MYRIP: variants seen among roughly 807,000 people sequenced by gnomAD.
MYRIP encodes the protein myosin VIIA and Rab interacting protein.
In MYRIP, 49 loss-of-function variants were observed where a neutral mutation model predicts 98.0. The observed-to-expected ratio is 0.50, with a 90% CI of 0.40 to 0.63. The LOEUF (loss-of-function observed/expected upper bound fraction) is 0.63, where lower values mean the gene tolerates loss of function less well. Ranked by LOEUF, MYRIP falls within the 30% of genes least tolerant of loss-of-function variation. MYRIP has a pLI of 0.00. For missense variants in MYRIP, 1,004 were observed against 1,058.2 expected (o/e 0.95, Z 0.71); for synonymous variants, 404 against 409.5 (o/e 0.99, Z 0.16).
At chr3:39,995,272 G>A (rs1290927790) in intron 2 of MYRIP, among the ~76,000 whole-genome samples, 1 of 152,066 alleles carries the variant, frequency 6.6e-6, no homozygotes. Flanking sequence ...CCATGGCAAA[G>A]ACGTTAAAAA....
intron 3 of MYRIP, chr3:40,099,939 G>A (rs890427170): frequency 1.1e-5 from 10 of 945,414 alleles, no homozygotes; most frequent in Middle Eastern, 5.4e-4. Context: ...CACATGTGTT[G>A]ATGGATTTTT....
intron 2 of MYRIP, among the ~76,000 whole-genome samples, chr3:40,003,097 C>T (rs1453554796): frequency 6.6e-6 from 1 of 151,308 alleles, no homozygotes; most frequent in Admixed American, 6.6e-5. Context: ...TTGTAGATAT[C>T]TATATATGTA....
chr3:40,188,008 T>C (rs1178309762), intron 9 of MYRIP, among the ~76,000 whole-genome samples: 3 of 152,126 alleles, frequency 2.0e-5, no homozygotes, highest in African/African-American at 7.2e-5. Flanking sequence ...ACCCTGCTTG[T>C]ATCAGCCCAC....
Position 40,190,385 on chromosome 3 carries a change from A to T in MYRIP, c.1587A>T (p.Arg529Ser). 6.2e-7 allele frequency: 1 copy of T among 1,613,834 alleles called. No individual in the cohort carries two copies. Among genetic ancestry groups the T allele is most frequent in the Non-Finnish European group, 8.5e-7 (1 of 1,179,906 alleles). The change falls in exon 10 of 17, where the codon AGA becomes AGT. Residue 529 changes from arginine (R) to serine (S), a missense_variant. Arg to Ser is a moderately radical substitution (Grantham distance 110). Around this residue, in one of 3 missense-constraint regions of MYRIP, gnomAD observed 880 missense variants for 907.7 expected, o/e 0.97. Coordinates refer to ENST00000302541, the MANE Select transcript of MYRIP (RefSeq NM_015460.4). ...ACCGGCGGGCCAGGAGGTGGAGAAGAGCCCGACTGGGCTCAGAAGAGCCAA... is the reference window on the plus strand; with the variant it reads ...ACCGGCGGGCCAGGAGGTGGAGAAGTGCCCGACTGGGCTCAGAAGAGCCAA... ...TTDRRARRWR[R>S]ARLGSEEPSK...
At chr3:40,230,847 G>T (rs1448928986) in intron 11 of MYRIP, among the ~76,000 whole-genome samples, 1 of 149,466 alleles carries the variant, frequency 6.7e-6, no homozygotes, top group Non-Finnish European at 1.5e-5. Context: ...TTTTTTTTAG[G>T]CGGAATTTCG....
At chr3:40,129,803 T>C (rs1227448788) in intron 3 of MYRIP, among the ~76,000 whole-genome samples, 1 of 152,212 alleles carries the variant, frequency 6.6e-6, no homozygotes, top group Non-Finnish European at 1.5e-5. Flanking sequence ...CTCACAACTG[T>C]ATTGTTTTAG....
At chr3:40,033,753 G>A (rs28815222) in intron 2 of MYRIP, among the ~76,000 whole-genome samples, 2 of 151,778 alleles carry the variant, frequency 1.3e-5, no homozygotes, top group African/African-American at 4.8e-5. Context: ...AAAAAGAGGC[G>A]GCATTGCCAA....
At chr3:40,109,062 T>C (rs993148513) in intron 3 of MYRIP, among the ~76,000 whole-genome samples, 1 of 152,222 alleles carries the variant, frequency 6.6e-6, no homozygotes, top group African/African-American at 2.4e-5. Context: ...TTTTCTCATC[T>C]GTTCCTTTCC....
chr3:39,908,191 C>A (rs1157791315), intron 2 of MYRIP, among the ~76,000 whole-genome samples: 1 of 152,054 alleles, frequency 6.6e-6, no homozygotes, highest in South Asian at 2.1e-4. Context: ...CTAGGCTGGG[C>A]CAGGGGAAGG....
At chr3:40,125,093 G>GTACTAATCATA (rs1322705178) in intron 3 of MYRIP, among the ~76,000 whole-genome samples, 3 of 152,192 alleles carry the variant, frequency 2.0e-5, no homozygotes, top group African/African-American at 7.2e-5. Context: ...TTAGAACCAG[G>GTACTAATCATA]CCTGACACTC....
intron 8 of MYRIP, among the ~76,000 whole-genome samples, chr3:40,176,161 G>T (rs1407201497): frequency 1.3e-5 from 2 of 152,206 alleles, no homozygotes; most frequent in African/African-American, 4.8e-5. Context: ...TATAAAATGA[G>T]ATCAGTAGCT....
intron 2 of MYRIP, among the ~76,000 whole-genome samples, chr3:39,998,709 C>T (rs1184213018): frequency 2.0e-5 from 3 of 152,088 alleles, no homozygotes; most frequent in South Asian, 4.1e-4. Flanking sequence ...AAAAAGAGCC[C>T]GCATTGCCAA....
chr3:39,915,922 T>C (rs1383050951), intron 2 of MYRIP, among the ~76,000 whole-genome samples: 1 of 152,070 alleles, frequency 6.6e-6, no homozygotes, highest in African/African-American at 2.4e-5. Context: ...CTAATTCTTA[T>C]GTTTTAATGC....
chr3:39,888,682 A>T (rs1053651329), intron 1 of MYRIP, among the ~76,000 whole-genome samples: 1 of 152,180 alleles, frequency 6.6e-6, no homozygotes, highest in African/African-American at 2.4e-5. Context: ...GACAAATGGG[A>T]TCTAATTAAA....
chr3:40,154,258 T>C (rs1397457616), intron 4 of MYRIP, among the ~76,000 whole-genome samples: 1 of 152,188 alleles, frequency 6.6e-6, no homozygotes, highest in East Asian at 1.9e-4. Context: ...CGAACCTTTC[T>C]CCTTCTCCTG....
chr3:40,120,691 CA>C (rs1483799741), intron 3 of MYRIP, among the ~76,000 whole-genome samples: 1 of 152,128 alleles, frequency 6.6e-6, no homozygotes, highest in Non-Finnish European at 1.5e-5. Flanking sequence ...CACAGATTAG[CA>C]GGGGGAAGAC....
intron 11 of MYRIP, among the ~76,000 whole-genome samples, chr3:40,225,180 C>T (rs1280424872): frequency 1.3e-5 from 2 of 152,234 alleles, no homozygotes; most frequent in East Asian, 1.9e-4. Context: ...GAGTGATGAG[C>T]GGACTGGGAG....
At chr3:39,813,094 C>G (rs1294927598) in intron 1 of MYRIP, among the ~76,000 whole-genome samples, 1 of 152,196 alleles carries the variant, frequency 6.6e-6, no homozygotes, top group African/African-American at 2.4e-5. Flanking sequence ...GTCGCCTCAT[C>G]CTACCCCAGA....
intron 1 of MYRIP, among the ~76,000 whole-genome samples, chr3:39,893,287 T>C (rs181676053): frequency 1.1e-4 from 16 of 152,316 alleles, no homozygotes; most frequent in South Asian, 4.1e-4. Flanking sequence ...TCTTTAAATA[T>C]AATTTTCTTT....
Sources: allele counts gnomAD v4.1 joint callset (sites outside exome capture counted in the v4.1 genomes callset), GRCh38; gene constraint gnomAD v4.1.1; regional missense constraint gnomAD v4.1.1; transcripts MANE v1.5; gene names NCBI Gene and HGNC (gene_info 2026-07-23, HGNC 2026-07-21).